Variants in SHISA9 observed in about 807,000 individuals in gnomAD.
SHISA9 encodes protein shisa-9.
A neutral mutation model predicts 38.0 loss-of-function variants in SHISA9; 13 were observed. The observed-to-expected ratio is 0.34, with a 90% CI of 0.22 to 0.54. The LOEUF is 0.54. Among genes scored for constraint, SHISA9 ranks in the 20% least tolerant of loss-of-function variants. The pLI, the probability that SHISA9 is intolerant of heterozygous loss-of-function variation, is 0.91. For synonymous variants in SHISA9, 275 were observed against 242.0 expected, an observed-to-expected ratio of 1.14 and a Z score of -1.27; for missense variants, 538 against 575.8, an observed-to-expected ratio of 0.93 and a Z score of 0.67.
chr16:13,147,665 G>A (rs541303898), intron 2 of SHISA9, among the ~76,000 whole-genome samples: 85 of 152,138 alleles, frequency 5.6e-4, no homozygotes, highest in Middle Eastern at 3.4e-3. Flanking sequence ...GTTTCACCAC[G>A]TTGGCCAGGC....
intron 2 of SHISA9, among the ~76,000 whole-genome samples, chr16:13,044,017 G>T (rs537574298): frequency 1.3e-5 from 2 of 152,306 alleles, no homozygotes; most frequent in African/African-American, 4.8e-5. Flanking sequence ...CCTGGCCAAA[G>T]AAACTTAGCC....
chr16:12,964,540 A>C (rs2071953497), intron 2 of SHISA9, among the ~76,000 whole-genome samples: 1 of 152,188 alleles, frequency 6.6e-6, no homozygotes, highest in African/African-American at 2.4e-5. Flanking sequence ...TTGAGAGCTC[A>C]GCCCCTAGGA....
the SHISA9 span, among the ~76,000 whole-genome samples, chr16:13,489,092 G>A: frequency 3.3e-5 from 5 of 152,038 alleles, no homozygotes; most frequent in Admixed American, 3.3e-4. Context: ...TGCCACCTAG[G>A]CTGGAGTATA....
rs374614180 is a variant in SHISA9, at chr16:12,912,283, G to T, written c.564-4405G>T. Among the ~76,000 whole-genome samples the T allele has an allele frequency of 2.0e-5, 3 of 152,292 alleles. No homozygotes were observed. In the East Asian group the frequency reaches 5.8e-4, roughly 29 times the overall value. On this transcript the variant is annotated intron_variant, in intron 1 of 4. Coordinates refer to ENST00000558583, the MANE Select transcript of SHISA9 (RefSeq NM_001145204.3). ...ACACTCTAGGAAGGGCTGCCCTGGG[G>T]AAAAGTGTCCTTGGACTTTGGGGCT...
At chr16:13,421,335 C>T in the SHISA9 span, among the ~76,000 whole-genome samples, 2 of 152,200 alleles carry the variant, frequency 1.3e-5, no homozygotes, top group African/African-American at 4.8e-5. Flanking sequence ...TGTAATTGGA[C>T]TTACATTTCC....
At chr16:13,405,212 T>C in the SHISA9 span, among the ~76,000 whole-genome samples, 1 of 152,244 alleles carries the variant, frequency 6.6e-6, no homozygotes, top group Non-Finnish European at 1.5e-5. Flanking sequence ...TTTAATCTTC[T>C]AGTCAATTCC....
At chr16:13,472,288 T>C in the SHISA9 span, among the ~76,000 whole-genome samples, 2 of 151,750 alleles carry the variant, frequency 1.3e-5, no homozygotes, top group Non-Finnish European at 2.9e-5. Flanking sequence ...ATTTTTCTCC[T>C]CTGTCCCCTC....
the SHISA9 span, among the ~76,000 whole-genome samples, chr16:13,342,537 C>T: frequency 3.0e-4 from 45 of 152,280 alleles, no homozygotes; most frequent in African/African-American, 1.0e-3. Flanking sequence ...CCACCCCTCT[C>T]GGCCTTCTGA....
the SHISA9 span, among the ~76,000 whole-genome samples, chr16:13,294,412 C>T: frequency 6.6e-6 from 1 of 152,166 alleles, no homozygotes; most frequent in African/African-American, 2.4e-5. Flanking sequence ...CCTCTTCTTC[C>T]TGGACCAGCA....
chr16:12,911,178 C>T (rs1390015892), intron 1 of SHISA9: 3 of 867,414 alleles, frequency 3.5e-6, no homozygotes, highest in Non-Finnish European at 4.2e-6. Context: ...GGAGCTTGGG[C>T]ACGATCTCAG....
At chr16:13,219,621 G>T (rs1277951748) in intron 4 of SHISA9, among the ~76,000 whole-genome samples, 1 of 152,152 alleles carries the variant, frequency 6.6e-6, no homozygotes, top group African/African-American at 2.4e-5. Context: ...AAATTTGTAG[G>T]AGGAGGGCAA....
chr16:13,183,341 G>T (rs2050793513), intron 2 of SHISA9, among the ~76,000 whole-genome samples: 1 of 152,264 alleles, frequency 6.6e-6, no homozygotes, highest in Non-Finnish European at 1.5e-5. Context: ...TTAACACTAT[G>T]TATTTGTGTA....
At chr16:13,292,494 G>A in the SHISA9 span, among the ~76,000 whole-genome samples, 121 of 152,148 alleles carry the variant, frequency 8.0e-4, no homozygotes, top group African/African-American at 2.7e-3. Flanking sequence ...GATTTTCTAA[G>A]CATTTTTGTT....
the SHISA9 span, among the ~76,000 whole-genome samples, chr16:13,415,129 A>T: frequency 1.3e-5 from 2 of 152,210 alleles, no homozygotes; most frequent in African/African-American, 2.4e-5. Context: ...CACTTGTTAT[A>T]GTTCATGATG....
chr16:13,473,776 A>T, the SHISA9 span, among the ~76,000 whole-genome samples: 1 of 152,192 alleles, frequency 6.6e-6, no homozygotes, highest in Non-Finnish European at 1.5e-5. Flanking sequence ...CAGTAAATCT[A>T]GTAGTAGCCA....
chr16:13,287,862 A>G, the SHISA9 span, among the ~76,000 whole-genome samples: 1 of 152,176 alleles, frequency 6.6e-6, no homozygotes, highest in South Asian at 2.1e-4. Context: ...TAGTGGGTAT[A>G]ATAAATAGAA....
intron 3 of SHISA9, among the ~76,000 whole-genome samples, chr16:13,209,299 G>GA (rs776177142): frequency 4.6e-5 from 7 of 152,118 alleles, no homozygotes; most frequent in Non-Finnish European, 8.8e-5. Context: ...TTTTGAGGGA[G>GA]AAAGGGTTGG....
At chr16:12,947,985 A>G (rs1196804307) in intron 2 of SHISA9, among the ~76,000 whole-genome samples, 1 of 152,192 alleles carries the variant, frequency 6.6e-6, no homozygotes, top group Non-Finnish European at 1.5e-5. Flanking sequence ...GAGAAAGCAT[A>G]GGGTTGGATA....
intron 2 of SHISA9, among the ~76,000 whole-genome samples, chr16:13,119,475 T>C (rs1226535873): frequency 1.3e-5 from 2 of 152,236 alleles, no homozygotes; most frequent in African/African-American, 4.8e-5. Flanking sequence ...CTAAAGTACA[T>C]GTTTATTAAT....
Sources: gnomAD v4.1 joint callset for allele counts (sites outside exome capture counted in the v4.1 genomes callset) on GRCh38, gnomAD v4.1.1 for gene constraint, MANE v1.5 for transcripts, NCBI Gene and HGNC (gene_info 2026-07-23, HGNC 2026-07-21) for gene names.